Variants in ELL2 observed in about 807,000 individuals in gnomAD.
ELL2 encodes the protein elongation factor for RNA polymerase II 2, also known as RNA polymerase II elongation factor ELL2.
In ELL2, 21 loss-of-function variants were observed where a neutral mutation model predicts 72.8. That is an observed-to-expected ratio of 0.29 (90% confidence interval 0.20 to 0.42). The LOEUF (loss-of-function observed/expected upper bound fraction) is 0.42. Among genes scored for constraint, ELL2 ranks in the 10% least tolerant of loss-of-function variants. The pLI is 1.00. For missense variants in ELL2, 568 were observed against 772.8 expected (o/e 0.73, Z 3.14); for synonymous variants, 266 against 283.2 (o/e 0.94, Z 0.61).
chr5:95,896,317 T>C (rs1357266720), intron 8 of ELL2, among the ~76,000 whole-genome samples: 1 of 152,128 alleles, frequency 6.6e-6, no homozygotes, highest in Non-Finnish European at 1.5e-5. Flanking sequence ...TGCTAAACAT[T>C]GTGGCTACAC....
Position 95,951,346 on chromosome 5 carries a change from G to A in ELL2, c.148-8297C>T, listed in dbSNP as rs543776696. 5.3e-3 allele frequency among the ~76,000 whole-genome samples: 799 copies of A among 151,784 alleles called. 9 individuals are homozygous for A. Among genetic ancestry groups the A allele is most frequent in the Admixed American group, 9.9e-3 (151 of 15,244 alleles). On this transcript the variant is annotated intron_variant, in intron 1 of 11. Transcript: ENST00000237853. ...ATTGTGCCACTGCACTCCAGCCTGG[G>A]GGACAGAGCGAGACTCCGTCTCAAA...
At position 95,886,085 on chromosome 5, in the gene ELL2, T is replaced by C. The variant is rs1156568077; in HGVS notation, c.*2786A>G. On this transcript the variant is annotated 3_prime_UTR_variant, in exon 12 of 12. Transcript: ENST00000237853. The stretch of plus-strand genomic sequence containing the variant: ...AGAAAAAACTATACAACTCATTCTC[T>C]AATCTTGCTATTTTTCACACCATCC... 2 of 152,172 alleles carry C rather than the reference T, an allele frequency of 1.3e-5. No individual in the cohort carries two copies. Among genetic ancestry groups the C allele is most frequent in the Non-Finnish European group, 2.9e-5 (2 of 68,034 alleles). The allele number at this position is 152,172 out of a possible 1,614,324, so 9.4% of individuals were successfully genotyped here.
intron 2 of ELL2, among the ~76,000 whole-genome samples, chr5:95,921,093 C>T (rs970101398): frequency 2.0e-5 from 3 of 152,054 alleles, no homozygotes; most frequent in East Asian, 1.9e-4. Flanking sequence ...ACTGCAGTCA[C>T]CAATTCCTGC....
At chr5:95,914,811 C>T (rs756219755) in intron 3 of ELL2, among the ~76,000 whole-genome samples, 19 of 152,044 alleles carry the variant, frequency 1.2e-4, no homozygotes, top group Non-Finnish European at 2.6e-4. Context: ...CGCCACTGCA[C>T]TCCAGCCTGG....
intron 2 of ELL2, among the ~76,000 whole-genome samples, chr5:95,942,286 T>G (rs1750996844): frequency 6.6e-6 from 1 of 152,182 alleles, no homozygotes; most frequent in South Asian, 2.1e-4. Context: ...AATTTCCATT[T>G]TATAGCTAAT....
At chr5:95,945,324 A>C (rs1167042981) in intron 1 of ELL2, among the ~76,000 whole-genome samples, 1 of 152,076 alleles carries the variant, frequency 6.6e-6, no homozygotes, top group East Asian at 1.9e-4. Context: ...TCTCTCCCCG[A>C]CTTCATATTC....
chr5:95,946,785 T>C (rs17085339), intron 1 of ELL2, among the ~76,000 whole-genome samples: 5,835 of 152,274 alleles, frequency 0.038, 182 homozygotes, highest in Admixed American at 0.077. Flanking sequence ...TCCATAGTTA[T>C]TGCTTACTTA....
In ELL2 at chr5:95,961,554, C is replaced by G. The variant is rs1391417952; in HGVS notation, c.147+21G>C. 7.0e-6 allele frequency: 11 copies of G among 1,562,414 alleles called. No individual in the cohort carries two copies. The Middle Eastern group carries it at 5.3e-4, about 75-fold the overall frequency. ...GTGCGCTCTGCCTCTCTGAGCCCAG[C>G]CTGCCGGCCGGCCCGCTCACCTTGT... On this transcript the variant is annotated intron_variant, in intron 1 of 11. Coordinates refer to ENST00000237853, the MANE Select transcript of ELL2 (RefSeq NM_012081.6).
chr5:95,950,682 A>T (rs942834804), intron 1 of ELL2, among the ~76,000 whole-genome samples: 2 of 151,822 alleles, frequency 1.3e-5, no homozygotes, highest in Admixed American at 6.6e-5. Context: ...ATTCAAAAGA[A>T]ATTCCTTTTC....
chr5:95,913,898 T>C lies in ELL2; in HGVS notation c.354A>G (p.Ile118Met), dbSNP rs1387462769. The C allele has an allele frequency of 6.2e-7, 1 of 1,611,906 alleles. No homozygotes were observed. Among genetic ancestry groups the C allele is most frequent in the Non-Finnish European group, 8.5e-7 (1 of 1,179,244 alleles). Reference sequence around the variant, plus strand: ...TTGCACACACTGTAATTTTATCTTGTATAAATCCCAGGCAATTGAGCTGGG... The same window carrying C: ...TTGCACACACTGTAATTTTATCTTGCATAAATCCCAGGCAATTGAGCTGGG... ...GASQLNCLGF[I>M]QDKITVCATN... The change falls in exon 4 of 12, where the codon ATA becomes ATG. Residue 118 changes from isoleucine to methionine, a missense_variant. This residue lies in a region of ELL2 where 511 missense variants were observed against 728.4 expected (regional missense o/e 0.70). Coordinates refer to ENST00000237853, the MANE Select transcript of ELL2 (RefSeq NM_012081.6).
intron 4 of ELL2, among the ~76,000 whole-genome samples, chr5:95,908,872 C>T (rs1015883160): frequency 2.0e-5 from 3 of 152,132 alleles, no homozygotes; most frequent in South Asian, 4.1e-4. Context: ...CAGTGAAGCC[C>T]TTCTTTCTTT....
intron 9 of ELL2, among the ~76,000 whole-genome samples, 178 bp downstream of exon 9, chr5:95,895,450 T>C (rs1748830210): frequency 6.6e-6 from 1 of 152,202 alleles, no homozygotes; most frequent in African/African-American, 2.4e-5. Flanking sequence ...AACCTGCTCA[T>C]GCAGACAAGG....
chr5:95,961,181 C>A (rs916114627), intron 1 of ELL2, among the ~76,000 whole-genome samples: 1 of 152,124 alleles, frequency 6.6e-6, no homozygotes, highest in African/African-American at 2.4e-5. Context: ...TGGTTCCTTG[C>A]CCATACGCTG....
intron 1 of ELL2, among the ~76,000 whole-genome samples, chr5:95,945,504 T>C (rs148906703): frequency 7.2e-4 from 110 of 152,288 alleles, no homozygotes; most frequent in African/African-American, 2.6e-3. Flanking sequence ...TCCACACACA[T>C]CTGTTAATGG....
At chr5:95,918,252 C>T (rs1296975291) in intron 3 of ELL2, among the ~76,000 whole-genome samples, 5 of 152,190 alleles carry the variant, frequency 3.3e-5, no homozygotes, top group Non-Finnish European at 5.9e-5. Flanking sequence ...TGTGAATGTG[C>T]AATGATGTTT....
Position 95,887,996 on chromosome 5 carries a change from A to G in ELL2, c.*875T>C, listed in dbSNP as rs1250924336. The G allele has an allele frequency of 6.6e-6, 1 of 152,582 alleles. No homozygotes were observed. Among genetic ancestry groups the G allele is most frequent in the African/African-American group, 2.4e-5 (1 of 41,442 alleles). 9.5% of individuals were successfully genotyped at this position (152,582 alleles called of 1,614,324 possible). On this transcript the variant is annotated 3_prime_UTR_variant, in exon 12 of 12. Coordinates refer to ENST00000237853, the MANE Select transcript of ELL2 (RefSeq NM_012081.6). ...ATAGAAGAAAAAAAACAAAAAAACA[A>G]AAAAACACCCTACAGTAACACTCGT... is the stretch of plus-strand genomic sequence containing the variant.
chr5:95,893,264 G>A (rs747437189), intron 9 of ELL2, among the ~76,000 whole-genome samples: 4 of 152,188 alleles, frequency 2.6e-5, no homozygotes, highest in Non-Finnish European at 4.4e-5. Flanking sequence ...GGCTGTTTAT[G>A]TGGTGATGGA....
chr5:95,896,117 C>A (rs1051001835), intron 8 of ELL2, among the ~76,000 whole-genome samples: 1 of 152,192 alleles, frequency 6.6e-6, no homozygotes, highest in African/African-American at 2.4e-5. Context: ...AGTCAGGTAG[C>A]CGACTGCTTT....
rs1015072381 is a variant in ELL2 at position 95,900,972 on chromosome 5, C to T, written c.850G>A (p.Glu284Lys). The T allele has an allele frequency of 2.5e-6, 4 of 1,607,290 alleles. No individual in the cohort carries two copies. In the Admixed American group the frequency reaches 5.2e-5, roughly 21 times the overall value. Residue 284 changes from glutamate (E) to lysine (K), a missense_variant, in exon 6 of 12, where the codon GAG (glutamate) becomes AAG (lysine). Glu to Lys is a moderately conservative substitution (Grantham distance 56, BLOSUM62 1). Around this residue, in one of 2 missense-constraint regions of ELL2, gnomAD observed 511 missense variants for 728.4 expected, o/e 0.70. Transcript: ENST00000237853. ...AGAATTCACCTAGAGAGCACTGACT[C>T]CAATGACCGTCTGTCTATTTCACTG... ...GYSEIDRRSL[E>K]SVLSRKLNPS...
Sources: allele counts gnomAD v4.1 joint callset (sites outside exome capture counted in the v4.1 genomes callset), GRCh38; gene constraint gnomAD v4.1.1; regional missense constraint gnomAD v4.1.1; transcripts MANE v1.5; gene names NCBI Gene and HGNC (gene_info 2026-07-23, HGNC 2026-07-21).